PDGFRB: variants seen among roughly 807,000 people sequenced by gnomAD.
PDGFRB encodes the protein platelet-derived growth factor receptor beta.
Under a neutral mutation model 120.2 loss-of-function variants are expected in PDGFRB, and 42 were observed. The observed-to-expected ratio is 0.35, with a 90% CI of 0.27 to 0.45. The LOEUF (loss-of-function observed/expected upper bound fraction) is 0.45, where lower values mean the gene tolerates loss of function less well. PDGFRB is among the 20% of genes least tolerant of loss of function. PDGFRB has a pLI of 1.00. For missense variants in PDGFRB, 1,149 were observed against 1,476.3 expected (o/e 0.78, Z 3.63); for synonymous variants, 586 against 606.8 (o/e 0.97, Z 0.50).
intron 1 of PDGFRB, among the ~76,000 whole-genome samples, chr5:150,141,267 T>A (rs1760776258): frequency 6.6e-6 from 1 of 152,244 alleles, no homozygotes; most frequent in Admixed American, 6.5e-5. Context: ...ACATACAACA[T>A]GCACAGAACA....
intron 15 of PDGFRB, chr5:150,122,321 C>T (rs1377807621): frequency 1.3e-5 from 5 of 383,668 alleles, no homozygotes; most frequent in East Asian, 9.3e-5. Context: ...TGTTCAGAGG[C>T]GCCTTCCTGT....
At position 150,120,987 on chromosome 5, in the gene PDGFRB, A is replaced by G. The variant is rs764350292; in HGVS notation, c.2487T>C (p.Ala829=). ...TGCCTTCACAGATGAGCACGTTCCT[A>G]GCCGCCAGGTCTCTGTGGACGCACT... is the stretch of plus-strand genomic sequence containing the variant. The part of the protein sequence containing the change: ...SKNCVHRDLA[A]RNVLICEGKL... Residue 829 remains alanine, a synonymous_variant, in exon 18 of 23, where the codon GCT becomes GCC. Coordinates refer to ENST00000261799, the MANE Select transcript of PDGFRB (RefSeq NM_002609.4). This position sits in a 1 kb window ranked among gnomAD's most constrained non-coding sequence, Gnocchi z 4.3. 3 of 1,613,608 alleles carry G rather than the reference A, an allele frequency of 1.9e-6. No homozygotes were observed. Among genetic ancestry groups the G allele is most frequent in the Non-Finnish European group, 2.5e-6 (3 of 1,179,804 alleles).
intron 1 of PDGFRB, among the ~76,000 whole-genome samples, chr5:150,140,651 C>G (rs1189692496): frequency 6.6e-6 from 1 of 151,708 alleles, no homozygotes; most frequent in African/African-American, 2.4e-5. Context: ...GAGTGGGGGG[C>G]CCCAAGTCTA....
intron 10 of PDGFRB, among the ~76,000 whole-genome samples, chr5:150,128,011 G>A (rs1041660767): frequency 2.0e-5 from 3 of 151,390 alleles, no homozygotes; most frequent in East Asian, 1.9e-4. Context: ...ACCTATCCTC[G>A]CCATGCCTTC....
chr5:150,148,644 C>G lies in PDGFRB; in HGVS notation c.-7+6753G>C, dbSNP rs568857056. ...CCCCAGTTCTCTGAGTTTAACTTAT[C>G]TGAGTCCCAATTTCCTGGGAAATGG... is the stretch of plus-strand genomic sequence containing the variant. On this transcript the variant is annotated intron_variant, in intron 1 of 22. Coordinates refer to ENST00000261799, the MANE Select transcript of PDGFRB (RefSeq NM_002609.4). Among the ~76,000 whole-genome samples the G allele has an allele frequency of 3.9e-5, 6 of 152,394 alleles. No individual in the cohort carries two copies. In the East Asian group the frequency reaches 1.2e-3, roughly 29 times the overall value.
chr5:150,125,335 C>T, intron 12 of PDGFRB, 110 bp downstream of exon 12: 1 of 906,722 alleles, frequency 1.1e-6, no homozygotes, highest in East Asian at 2.7e-5. Context: ...AGGCAAGACA[C>T]CAGCCCTAGG....
chr5:150,141,332 C>T (rs1426590041), intron 1 of PDGFRB, among the ~76,000 whole-genome samples: 1 of 152,244 alleles, frequency 6.6e-6, no homozygotes, highest in African/African-American at 2.4e-5. Flanking sequence ...CATGAACAGA[C>T]AAGCCAGAAA....
chr5:150,130,163 G>A (rs773017931), intron 9 of PDGFRB, among the ~76,000 whole-genome samples, 195 bp from the exon 10 acceptor site: 5 of 152,208 alleles, frequency 3.3e-5, no homozygotes, highest in Non-Finnish European at 5.9e-5. Flanking sequence ...AACGTGGATT[G>A]CAAAATCCAT....
intron 21 of PDGFRB, among the ~76,000 whole-genome samples, 185 bp from the exon 22 acceptor site, chr5:150,118,035 A>C (rs1225852388): frequency 1.3e-5 from 2 of 152,160 alleles, no homozygotes; most frequent in Admixed American, 6.5e-5. Context: ...CTTACAAGGC[A>C]TGGTGAGCTC....
intron 1 of PDGFRB, among the ~76,000 whole-genome samples, chr5:150,137,714 G>T (rs1312897168): frequency 6.6e-6 from 1 of 152,182 alleles, no homozygotes; most frequent in African/African-American, 2.4e-5. Flanking sequence ...GAGCAGCCAG[G>T]CCTCACAGGT....
Position 150,117,541 on chromosome 5 carries a change from C to CGT in PDGFRB, c.3137+76_3137+77insAC, listed in dbSNP as rs1554107273. The CGT allele has an allele frequency of 3.1e-4, 155 of 493,828 alleles. 1 individual carries two copies. Among genetic ancestry groups the CGT allele is most frequent in the South Asian group, 3.1e-3 (119 of 38,704 alleles). The allele number at this position is 493,828 out of a possible 1,614,324, so 30.6% of individuals were successfully genotyped here. A position where few individuals can be genotyped will look rare whatever the true frequency, so the allele number is the denominator to read the frequency against. On this transcript the variant is annotated intron_variant, in intron 22 of 22. Transcript: ENST00000261799. ...GCAAACCTGGCAGCGCGCGCGCGCG[C>CGT]GCGCACACACACACACACACACACA... is the stretch of plus-strand genomic sequence containing the variant.
chr5:150,122,121 C>A, intron 15 of PDGFRB, 81 bp from the exon 16 acceptor site: 13 of 1,032,342 alleles, frequency 1.3e-5, no homozygotes, highest in Non-Finnish European at 1.8e-5. Flanking sequence ...TCATGAATTT[C>A]TTCTCTCACT....
chr5:150,124,439 T>A, intron 13 of PDGFRB, 79 bp from the exon 14 acceptor site: 1 of 1,038,400 alleles, frequency 9.6e-7, no homozygotes. Context: ...CTATTCTGAC[T>A]CTTCTGCCCC....
chr5:150,134,155 T>G (rs772576317), intron 4 of PDGFRB, 147 bp from the exon 5 acceptor site: 1 of 734,142 alleles, frequency 1.4e-6, no homozygotes, highest in Non-Finnish European at 2.4e-6. Context: ...GAATACCTAC[T>G]ACATGCCAAG....
In PDGFRB at chr5:150,121,399, G is replaced by A. The variant is rs921002110; in HGVS notation, c.2345-77C>T. 91 of 787,194 alleles carry A rather than the reference G, an allele frequency of 1.2e-4. 1 individual carries two copies. The highest frequency in any genetic ancestry group is 1.8e-4 in the Non-Finnish European group (78 of 426,512). The allele number at this position is 787,194 out of a possible 1,614,324, so 48.8% of individuals were successfully genotyped here. ...CAGGACCCCTGCCCTTTGGCTCCTG[G>A]GAGACTGAATGTCCAAGACAGGTGG... On this transcript the variant is annotated intron_variant, in intron 16 of 22. Transcript: ENST00000261799. This position sits in a 1 kb window ranked among gnomAD's most constrained non-coding sequence, Gnocchi z 4.1.
rs980946477 is a variant in PDGFRB, at chr5:150,124,438, C to G, written c.1913-78G>C. The G allele has an allele frequency of 2.9e-6, 3 of 1,038,622 alleles. No individual in the cohort carries two copies. The African/African-American group carries it at 4.7e-5, about 16-fold the overall frequency. The allele number at this position is 1,038,622 out of a possible 1,614,324, so 64.3% of individuals were successfully genotyped here. A position where few individuals can be genotyped will look rare whatever the true frequency, so the allele number is the denominator to read the frequency against. ...GCCCCACCACAGGAGCCTATTCTGA[C>G]TCTTCTGCCCCGCCCTGTGCTGCAA... On this transcript the variant is annotated intron_variant, in intron 13 of 22. Coordinates refer to ENST00000261799, the MANE Select transcript of PDGFRB (RefSeq NM_002609.4).
In PDGFRB at chr5:150,124,564, T is replaced by C. The variant is rs1282372620; in HGVS notation, c.1912+163A>G. On this transcript the variant is annotated intron_variant, in intron 13 of 22. Coordinates refer to ENST00000261799, the MANE Select transcript of PDGFRB (RefSeq NM_002609.4). Reference sequence around the variant, plus strand: ...GAGGAGGCCAGGGAGAGGAACGCTCTTTCCCAAACCAGACCCAGACTCGGG... The same window carrying C: ...GAGGAGGCCAGGGAGAGGAACGCTCCTTCCCAAACCAGACCCAGACTCGGG... 1.3e-5 allele frequency: 8 copies of C among 618,880 alleles called. No homozygotes were observed. In the Admixed American group the frequency reaches 2.0e-4, roughly 16 times the overall value. The allele number at this position is 618,880 out of a possible 1,614,324, so 38.3% of individuals were successfully genotyped here. A position where few individuals can be genotyped will look rare whatever the true frequency, so the allele number is the denominator to read the frequency against.
intron 22 of PDGFRB, 123 bp downstream of exon 22, chr5:150,117,495 C>T (rs542751890): frequency 6.5e-6 from 4 of 618,720 alleles, no homozygotes; most frequent in African/African-American, 5.5e-5. Context: ...AAGTACTTAC[C>T]CTACGTAACT....
At chr5:150,116,162 G>A (rs1759925213) in intron 22 of PDGFRB, among the ~76,000 whole-genome samples, 1 of 152,192 alleles carries the variant, frequency 6.6e-6, no homozygotes, top group Non-Finnish European at 1.5e-5. Context: ...GCAGGGAAGT[G>A]CAGGAGCTGG....
Sources: gnomAD v4.1 joint callset for allele counts (sites outside exome capture counted in the v4.1 genomes callset) on GRCh38, gnomAD v4.1.1 for gene constraint, Gnocchi (gnomAD v3.1) non-coding constraint, MANE v1.5 for transcripts, NCBI Gene and HGNC (gene_info 2026-07-23, HGNC 2026-07-21) for gene names.